Variants in METAP1 observed in about 807,000 individuals in gnomAD.
METAP1 encodes methionyl aminopeptidase 1.
In METAP1, 28 loss-of-function variants were observed where a neutral mutation model predicts 53.8. That is an observed-to-expected ratio of 0.52 (90% CI 0.39 to 0.71). METAP1 has a LOEUF of 0.71. METAP1 is among the 30% of genes least tolerant of loss of function. METAP1 has a pLI of 0.00. For synonymous variants in METAP1, 181 were observed against 165.7 expected (o/e 1.09, Z -0.71); for missense variants, 389 against 479.8 (o/e 0.81, Z 1.77).
chr4:99,030,902 TTAAAA>T (rs1157913102), intron 2 of METAP1, among the ~76,000 whole-genome samples: 2 of 151,970 alleles, frequency 1.3e-5, no homozygotes, highest in African/African-American at 2.4e-5. Flanking sequence ...TTCTGGACTC[TTAAAA>T]TAAAATGGGA....
At chr4:99,000,708 T>C (rs372486432) in intron 1 of METAP1, among the ~76,000 whole-genome samples, 13 of 146,738 alleles carry the variant, frequency 8.9e-5, no homozygotes, top group East Asian at 2.0e-4. Flanking sequence ...CTCTCTCTCT[T>C]TTTTTTTTTT....
intron 1 of METAP1, chr4:99,022,235 G>A (rs1358985580): frequency 2.3e-6 from 1 of 429,592 alleles, no homozygotes. Flanking sequence ...GTCTGCCTGG[G>A]TAGTCATGAT....
intron 3 of METAP1, among the ~76,000 whole-genome samples, chr4:99,034,739 T>G (rs895992705): frequency 1.1e-4 from 16 of 152,160 alleles, no homozygotes; most frequent in African/African-American, 3.6e-4. Flanking sequence ...TATCACAGAT[T>G]GTGCGTCAAC....
intron 8 of METAP1, among the ~76,000 whole-genome samples, chr4:99,046,413 A>G (rs1726237886): frequency 6.6e-6 from 1 of 152,236 alleles, no homozygotes; most frequent in East Asian, 1.9e-4. Context: ...GAAGAAAAGA[A>G]AAAAAAGAAA....
chr4:99,037,930 TC>T lies in METAP1; in HGVS notation c.341-1442del, dbSNP rs2110356663. ...ATCTTTACAATATTGAGTCTTCCTGTCCAGGAACAGGGTATGTTTTTAAAGT... is the reference window on the plus strand; with the variant it reads ...ATCTTTACAATATTGAGTCTTCCTGTCAGGAACAGGGTATGTTTTTAAAGT... On this transcript the variant is annotated intron_variant, in intron 4 of 10. Coordinates refer to ENST00000296411, the MANE Select transcript of METAP1 (RefSeq NM_015143.3). 2.0e-5 allele frequency: 3 copies of T among 152,106 alleles called. No individual in the cohort carries two copies. In the South Asian group the frequency reaches 6.2e-4, roughly 32 times the overall value. The allele number at this position is 152,106 out of a possible 1,614,324, so 9.4% of individuals were successfully genotyped here. A position where few individuals can be genotyped will look rare whatever the true frequency, so the allele number is the denominator to read the frequency against.
chr4:99,019,997 A>T (rs1360061350), intron 1 of METAP1, among the ~76,000 whole-genome samples: 2 of 151,972 alleles, frequency 1.3e-5, no homozygotes, highest in Non-Finnish European at 2.9e-5. Context: ...ATTCTTGTAG[A>T]TCCCTCATAT....
intron 9 of METAP1, among the ~76,000 whole-genome samples, chr4:99,052,470 G>A (rs538539951): frequency 2.6e-4 from 40 of 152,186 alleles, no homozygotes; most frequent in Non-Finnish European, 4.3e-4. Context: ...CAATCATGGC[G>A]GAAGGCAAAG....
chr4:99,033,522 C>A (rs553206512), intron 2 of METAP1, among the ~76,000 whole-genome samples: 4 of 152,194 alleles, frequency 2.6e-5, no homozygotes, highest in African/African-American at 9.6e-5. Context: ...AGAATTCTTG[C>A]GTATATTTCA....
rs187283056 is a variant in METAP1 at position 99,032,552 on chromosome 4, A to C, written c.167-1678A>C. Among the ~76,000 whole-genome samples, 200 of 152,300 alleles carry C rather than the reference A, an allele frequency of 1.3e-3. 1 individual carries two copies. The highest frequency in any genetic ancestry group is 4.7e-3 in the African/African-American group (194 of 41,562). On this transcript the variant is annotated intron_variant, in intron 2 of 10. Coordinates refer to ENST00000296411, the MANE Select transcript of METAP1 (RefSeq NM_015143.3). ...GTACCTAAATTCTCTTTTGAATATA[A>C]ACTGTGGAAGGGTAAAATCCAGAGC...
chr4:99,034,396 G>C, intron 3 of METAP1, 54 bp downstream of exon 3: 1 of 1,031,844 alleles, frequency 9.7e-7, no homozygotes, highest in Non-Finnish European at 1.5e-6. Flanking sequence ...TTCCAAAAAT[G>C]ATACTCGTAA....
At chr4:99,031,595 A>G in intron 2 of METAP1, 2 of 1,285,128 alleles carry the variant, frequency 1.6e-6, no homozygotes, top group Non-Finnish European at 1.0e-6. Context: ...AGATGCTGGA[A>G]TCATAGGTTT....
intron 1 of METAP1, among the ~76,000 whole-genome samples, chr4:99,027,079 G>A (rs1724613774): frequency 6.6e-6 from 1 of 152,114 alleles, no homozygotes; most frequent in African/African-American, 2.4e-5. Flanking sequence ...GAGAATACAA[G>A]GCTATTTGAG....
intron 1 of METAP1, among the ~76,000 whole-genome samples, chr4:99,003,315 C>T (rs1049301361): frequency 1.3e-5 from 2 of 152,214 alleles, no homozygotes; most frequent in African/African-American, 4.8e-5. Flanking sequence ...GTACAAAACG[C>T]AAACCAATCT....
intron 1 of METAP1, among the ~76,000 whole-genome samples, chr4:99,013,744 G>C: frequency 6.6e-6 from 1 of 152,202 alleles, no homozygotes; most frequent in Non-Finnish European, 1.5e-5. Context: ...TGAGAGGTCA[G>C]AGGGGTTCCC....
intron 1 of METAP1, among the ~76,000 whole-genome samples, chr4:99,001,739 TACTC>T (rs932142898): frequency 4.6e-5 from 7 of 152,352 alleles, no homozygotes; most frequent in African/African-American, 1.4e-4. Flanking sequence ...CATTTTGACT[TACTC>T]AGGAACGTAT....
At chr4:98,999,905 T>C (rs1007566922) in intron 1 of METAP1, among the ~76,000 whole-genome samples, 20 of 152,170 alleles carry the variant, frequency 1.3e-4, no homozygotes, top group Non-Finnish European at 2.1e-4. Flanking sequence ...TGATGTTCGA[T>C]TGTGTTTATT....
chr4:98,999,556 G>T (rs1387135912), intron 1 of METAP1, among the ~76,000 whole-genome samples: 1 of 144,076 alleles, frequency 6.9e-6, no homozygotes, highest in East Asian at 2.0e-4. Context: ...TGTCACCCAG[G>T]CTGGAGTGCA....
chr4:98,996,797 T>C (rs1276452922), intron 1 of METAP1, among the ~76,000 whole-genome samples: 3 of 152,210 alleles, frequency 2.0e-5, no homozygotes. Context: ...TGGCTCTTAG[T>C]TACAGTCCAG....
intron 10 of METAP1, among the ~76,000 whole-genome samples, chr4:99,059,166 A>G (rs948692324): frequency 6.6e-6 from 1 of 152,228 alleles, no homozygotes; most frequent in African/African-American, 2.4e-5. Flanking sequence ...TTAATCATCA[A>G]ATTATAGCAG....
Sources: gnomAD v4.1 joint callset for allele counts (sites outside exome capture counted in the v4.1 genomes callset) on GRCh38, gnomAD v4.1.1 for gene constraint, MANE v1.5 for transcripts, NCBI Gene and HGNC (gene_info 2026-07-23, HGNC 2026-07-21) for gene names.